The following GALK2 variants were observed in gnomAD, a reference collection of about 807,000 sequenced individuals.
The protein encoded by GALK2 is N-acetylgalactosamine kinase.
In GALK2, 36 loss-of-function variants were observed where a neutral mutation model predicts 52.4. The ratio of observed to expected loss-of-function variants is 0.69; its 90% confidence interval spans 0.53 to 0.91. The LOEUF (loss-of-function observed/expected upper bound fraction) is 0.91, where lower values mean the gene tolerates loss of function less well. GALK2 is among the 40% of genes least tolerant of loss of function. The pLI is 0.00. For synonymous variants in GALK2, 176 were observed against 199.1 expected (o/e 0.88, Z 0.98); for missense variants, 579 against 559.1 (o/e 1.04, Z -0.36).
intron 1 of GALK2, among the ~76,000 whole-genome samples, chr15:49,173,112 A>G (rs2085208423): frequency 6.6e-6 from 1 of 152,112 alleles, no homozygotes; most frequent in Non-Finnish European, 1.5e-5. Context: ...TTCTGTATTT[A>G]TAGATTTAGT....
At position 49,158,454 on chromosome 15, in the gene GALK2, A is replaced by G. The variant is rs1172977673; in HGVS notation, c.20+2438A>G. Among the ~76,000 whole-genome samples, 4 of 152,358 alleles carry G rather than the reference A, an allele frequency of 2.6e-5. No homozygotes were observed. The South Asian group carries it at 8.3e-4, about 32-fold the overall frequency. On this transcript the variant is annotated intron_variant, in intron 1 of 9. Transcript: ENST00000327171. ...AACTACTCAATATAAAATGCATTTT[A>G]AAACTCCTGTAAATCAGTCAAAACT...
rs571500976 is a variant in GALK2 at position 49,200,779 on chromosome 15, A to G, written c.54-383A>G. On this transcript the variant is annotated intron_variant, in intron 1 of 9. Transcript: ENST00000560031. ...TTATGACAGCCTTAGGAAACCAAAT[A>G]TACTACCGCATGGTACACTTTTAAT... Among the ~76,000 whole-genome samples the G allele has an allele frequency of 9.3e-4, 141 of 152,288 alleles. 5 individuals carry two copies. In the South Asian group the frequency reaches 0.028, roughly 30 times the overall value.
chr15:49,290,654 A>G (rs1567026479), intron 7 of GALK2, among the ~76,000 whole-genome samples: 2 of 152,220 alleles, frequency 1.3e-5, no homozygotes, highest in Non-Finnish European at 2.9e-5. Flanking sequence ...GCTTCTTAGG[A>G]AGAGCCCACT....
At chr15:49,266,626 C>G (rs1022795636) in intron 5 of GALK2, among the ~76,000 whole-genome samples, 6 of 152,168 alleles carry the variant, frequency 3.9e-5, no homozygotes, top group African/African-American at 1.4e-4. Flanking sequence ...TCGCTTAAAA[C>G]TGACTCTTTC....
chr15:49,238,839 T>G (rs1280343740), intron 4 of GALK2, among the ~76,000 whole-genome samples: 2 of 152,210 alleles, frequency 1.3e-5, no homozygotes, highest in African/African-American at 2.4e-5. Flanking sequence ...CACAGATAAT[T>G]GTATATTTCT....
At chr15:49,337,792 A>T (rs1329793734) in intron 3 of GALK2, among the ~76,000 whole-genome samples, 1 of 150,792 alleles carries the variant, frequency 6.6e-6, no homozygotes, top group African/African-American at 2.4e-5. Context: ...TTCTTGTGTT[A>T]GTTTGCTGAG....
At position 49,323,959 on chromosome 15, in the gene GALK2, G is replaced by T. The variant is rs544696112; in HGVS notation, c.1170-3993G>T. ...TTTGCTGAATTATAAAGTATCTTTT[G>T]TAGCCAAACAAAATGTAAACAGAAA... On this transcript the variant is annotated intron_variant, in intron 9 of 9. Transcript: ENST00000560031. Among the ~76,000 whole-genome samples, 289 of 152,318 alleles carry T rather than the reference G, an allele frequency of 1.9e-3. 1 individual carries two copies. The highest frequency in any genetic ancestry group is 8.7e-3 in the Admixed American group (133 of 15,296).
intron 8 of GALK2, among the ~76,000 whole-genome samples, chr15:49,309,836 C>G (rs953178060): frequency 2.0e-5 from 3 of 152,046 alleles, no homozygotes; most frequent in African/African-American, 7.2e-5. Flanking sequence ...TCAGGCTGGT[C>G]TCGAACTCCC....
At chr15:49,366,476 G>A (rs1158143925) in intron 3 of GALK2, 2 of 1,092,752 alleles carry the variant, frequency 1.8e-6, no homozygotes, top group Non-Finnish European at 2.8e-6. Flanking sequence ...GCATAGTGGT[G>A]CGGAAGTCAG....
chr15:49,188,379 A>G (rs1227149106), intron 1 of GALK2, among the ~76,000 whole-genome samples: 1 of 152,132 alleles, frequency 6.6e-6, no homozygotes, highest in Non-Finnish European at 1.5e-5. Context: ...TGATTTCTGC[A>G]CTGTGTTACT....
At chr15:49,264,943 C>G (rs534507729) in intron 5 of GALK2, among the ~76,000 whole-genome samples, 1 of 152,296 alleles carries the variant, frequency 6.6e-6, no homozygotes, top group African/African-American at 2.4e-5. Context: ...AGTTTTGTCT[C>G]AGAGGAGTAC....
chr15:49,328,044 T>C lies in GALK2; in HGVS notation c.1262T>C (p.Leu421Pro). Residue 421 changes from leucine to proline, a missense_variant, in exon 10 of 10, where the codon CTA becomes CCA. By Grantham distance (98) the Leu-to-Pro change is moderately conservative (BLOSUM62 -3). Transcript: ENST00000560031. Reference protein sequence around the residue: ...MVPADKLPSFLANVHKAYYQR... With the variant: ...MVPADKLPSFPANVHKAYYQR... ...CCTGCGGACAAGCTGCCCAGCTTTC[T>C]AGCAAATGTGCACAAAGCTTATTAC... is the stretch of plus-strand genomic sequence containing the variant. 6.2e-7 allele frequency: 1 copy of C among 1,614,078 alleles called. No homozygotes were observed. Among genetic ancestry groups the C allele is most frequent in the Non-Finnish European group, 8.5e-7 (1 of 1,179,942 alleles).
At chr15:49,228,682 T>TGTATATATATATATATATAC (rs1555409029) in intron 3 of GALK2, among the ~76,000 whole-genome samples, 1 of 14,554 alleles carries the variant, frequency 6.9e-5, no homozygotes, top group Non-Finnish European at 1.3e-4. Flanking sequence ...TATATATATA[T>TGTATATATATATATATATAC]ATATATTTTT....
Position 49,328,549 on chromosome 15 carries a change from A to G in GALK2, c.*390A>G, listed in dbSNP as rs1419809906. On this transcript the variant is annotated 3_prime_UTR_variant, in exon 10 of 10. Coordinates refer to ENST00000560031, the MANE Select transcript of GALK2 (RefSeq NM_002044.4). ...AATTGTATGCATTATTCTTGAATAG[A>G]GTTCATTTCTGGTTTCTCTTAGTAT... 6.2e-7 allele frequency: 1 copy of G among 1,606,940 alleles called. No homozygotes were observed. The highest frequency in any genetic ancestry group is 8.5e-7 in the Non-Finnish European group (1 of 1,175,618).
At chr15:49,236,513 A>G (rs903602882) in intron 4 of GALK2, among the ~76,000 whole-genome samples, 11 of 152,186 alleles carry the variant, frequency 7.2e-5, no homozygotes, top group African/African-American at 2.7e-4. Context: ...TAGTATAAGT[A>G]TTTTCCAAGA....
intron 3 of GALK2, among the ~76,000 whole-genome samples, chr15:49,338,266 A>G (rs945984186): frequency 1.1e-4 from 17 of 152,038 alleles, no homozygotes; most frequent in Non-Finnish European, 1.8e-4. Flanking sequence ...AGTGCCTGGT[A>G]CCGGTTGTTC....
At chr15:49,308,276 T>C (rs974681110) in intron 8 of GALK2, among the ~76,000 whole-genome samples, 1 of 152,206 alleles carries the variant, frequency 6.6e-6, no homozygotes, top group African/African-American at 2.4e-5. Context: ...TGGTTTAGCC[T>C]AGTGGAGCTT....
intron 5 of GALK2, among the ~76,000 whole-genome samples, chr15:49,248,722 A>G (rs912177202): frequency 2.0e-5 from 3 of 152,312 alleles, no homozygotes; most frequent in Middle Eastern, 3.4e-3. Context: ...AGTAGTTTGG[A>G]TTCACTTGGG....
At chr15:49,268,477 A>G (rs1181653712) in intron 5 of GALK2, among the ~76,000 whole-genome samples, 2 of 152,224 alleles carry the variant, frequency 1.3e-5, no homozygotes, top group Non-Finnish European at 2.9e-5. Flanking sequence ...GAAATTAGTA[A>G]TATATCCACT....
Sources: gnomAD v4.1 joint callset for allele counts (sites outside exome capture counted in the v4.1 genomes callset) on GRCh38, gnomAD v4.1.1 for gene constraint, MANE v1.5 for transcripts, NCBI Gene and HGNC (gene_info 2026-07-23, HGNC 2026-07-21) for gene names.